Variants in PPM1E observed in about 807,000 individuals in gnomAD.
PPM1E encodes the protein protein phosphatase, Mg2+/Mn2+ dependent 1E, also known as protein phosphatase 1E.
In PPM1E, 20 loss-of-function variants were observed where a neutral mutation model predicts 65.9. The observed-to-expected ratio is 0.30, with a 90% CI of 0.21 to 0.44. The LOEUF (loss-of-function observed/expected upper bound fraction) is 0.44. Ranked by LOEUF, PPM1E falls within the 20% of genes least tolerant of loss-of-function variation. The pLI, the probability that PPM1E is intolerant of heterozygous loss-of-function variation, is 1.00. For missense variants in PPM1E, 713 were observed against 953.1 expected (o/e 0.75, Z 3.32); for synonymous variants, 352 against 374.9 (o/e 0.94, Z 0.70).
At chr17:58,765,877 CTTTTTTTT>C (rs35401844) in intron 1 of PPM1E, among the ~76,000 whole-genome samples, 4 of 122,868 alleles carry the variant, frequency 3.3e-5, no homozygotes, top group East Asian at 4.7e-4. Flanking sequence ...TTTGTAGTTT[CTTTTTTTT>C]TTTTTTTTTT....
At chr17:58,799,311 G>A (rs1191357479) in intron 1 of PPM1E, among the ~76,000 whole-genome samples, 1 of 151,368 alleles carries the variant, frequency 6.6e-6, no homozygotes, top group African/African-American at 2.4e-5. Context: ...ACAAGGTCTT[G>A]TTCTGTCACC....
chr17:58,834,953 A>G lies in PPM1E; in HGVS notation c.464+78492A>G, dbSNP rs186928169. Among the ~76,000 whole-genome samples, 15 of 152,226 alleles carry G rather than the reference A, an allele frequency of 9.9e-5. No homozygotes were observed. The East Asian group carries it at 2.7e-3, about 27-fold the overall frequency. On this transcript the variant is annotated intron_variant, in intron 1 of 6. Transcript: ENST00000308249. ...TTTTTATAGGAATTGCATTAAACCA[A>G]CTGCAGATCAATTTCGAGAGAATTG...
intron 1 of PPM1E, among the ~76,000 whole-genome samples, chr17:58,951,908 A>G (rs1255204104): frequency 1.3e-5 from 2 of 152,114 alleles, no homozygotes; most frequent in Non-Finnish European, 2.9e-5. Context: ...TGGAGGAGTC[A>G]TGTTTCCTCA....
chr17:58,863,944 G>A (rs2050971388), intron 1 of PPM1E, among the ~76,000 whole-genome samples: 2 of 151,924 alleles, frequency 1.3e-5, no homozygotes, highest in Non-Finnish European at 2.9e-5. Flanking sequence ...AGGGGGTGTG[G>A]TGGGCTAAAA....
At chr17:58,852,894 G>A (rs560438522) in intron 1 of PPM1E, among the ~76,000 whole-genome samples, 8 of 152,176 alleles carry the variant, frequency 5.3e-5, no homozygotes, top group African/African-American at 1.9e-4. Context: ...GAGCCACCAC[G>A]CCTGGTCTAC....
intron 1 of PPM1E, among the ~76,000 whole-genome samples, chr17:58,924,751 C>T (rs1199109175): frequency 2.7e-5 from 4 of 149,356 alleles, no homozygotes; most frequent in African/African-American, 5.0e-5. Context: ...CAACTGGCCC[C>T]GGTGTGTGCT....
At chr17:58,976,100 A>G (rs1598708802) in intron 6 of PPM1E, among the ~76,000 whole-genome samples, 1 of 152,120 alleles carries the variant, frequency 6.6e-6, no homozygotes, top group East Asian at 1.9e-4. Context: ...TATTGTTTCT[A>G]TTTTTAGGAC....
intron 1 of PPM1E, among the ~76,000 whole-genome samples, chr17:58,835,726 G>C (rs367769737): frequency 1.3e-5 from 2 of 151,398 alleles, no homozygotes; most frequent in East Asian, 3.9e-4. Flanking sequence ...AAAATTAGCC[G>C]TGCATGGTGG....
At chr17:58,892,037 T>C (rs1012752655) in intron 1 of PPM1E, among the ~76,000 whole-genome samples, 3 of 152,078 alleles carry the variant, frequency 2.0e-5, no homozygotes, top group African/African-American at 7.2e-5. Flanking sequence ...CATTTTGCCA[T>C]GTTGGCCAGG....
At chr17:58,816,796 T>A (rs1603163) in intron 1 of PPM1E, among the ~76,000 whole-genome samples, 831 of 15,024 alleles carry the variant, frequency 0.055, 4 homozygotes, top group Admixed American at 0.065. Flanking sequence ...ATATATATAT[T>A]TTTTTTTTTT....
intron 1 of PPM1E, among the ~76,000 whole-genome samples, chr17:58,849,373 A>G (rs1475358043): frequency 6.6e-6 from 1 of 152,032 alleles, no homozygotes; most frequent in Non-Finnish European, 1.5e-5. Flanking sequence ...TAGGGTGTCA[A>G]TTTTAGATCT....
intron 1 of PPM1E, among the ~76,000 whole-genome samples, chr17:58,767,694 G>A (rs1188331748): frequency 6.6e-6 from 1 of 152,096 alleles, no homozygotes; most frequent in African/African-American, 2.4e-5. Flanking sequence ...TCAGGCTGGA[G>A]TGCAATGGCA....
At chr17:58,798,529 T>A (rs78952173) in intron 1 of PPM1E, among the ~76,000 whole-genome samples, 1 of 150,306 alleles carries the variant, frequency 6.7e-6, no homozygotes. Flanking sequence ...GGCCCTATTT[T>A]TTTTTTTTTT....
intron 1 of PPM1E, among the ~76,000 whole-genome samples, chr17:58,828,278 A>G (rs778426539): frequency 1.3e-5 from 2 of 151,942 alleles, no homozygotes; most frequent in Non-Finnish European, 2.9e-5. Flanking sequence ...TTTAAAAGTG[A>G]ATAGTGTACT....
chr17:58,794,122 T>C (rs1156919923), intron 1 of PPM1E, among the ~76,000 whole-genome samples: 1 of 152,200 alleles, frequency 6.6e-6, no homozygotes, highest in Non-Finnish European at 1.5e-5. Context: ...TTTTGTATTT[T>C]TTAGTAGAGA....
intron 1 of PPM1E, among the ~76,000 whole-genome samples, chr17:58,909,924 C>CTTTTTTTTTTT (rs35833275): frequency 1.3e-4 from 12 of 90,036 alleles, no homozygotes; most frequent in African/African-American, 1.8e-4. Context: ...TTTTCTTTTT[C>CTTTTTTTTTTT]TTTTTTTTTT....
chr17:58,842,812 C>G (rs566326344), intron 1 of PPM1E, among the ~76,000 whole-genome samples: 110 of 152,206 alleles, frequency 7.2e-4, no homozygotes, highest in Non-Finnish European at 1.4e-3. Context: ...GTGGTGCACA[C>G]CTGTAATCCC....
intron 1 of PPM1E, among the ~76,000 whole-genome samples, chr17:58,931,088 AAAG>A (rs1567878492): frequency 2.1e-5 from 2 of 93,322 alleles, no homozygotes; most frequent in Non-Finnish European, 5.0e-5. Context: ...AAAAAAAAAG[AAAG>A]AAAGAAAGAA....
In PPM1E at chr17:58,837,332, TACAC is replaced by T. The variant is rs59797345; in HGVS notation, c.464+80896_464+80899del. Reference sequence around the variant, plus strand: ...AGAGAATGAGAATAACACACACACATACACACACACACACACACACACACACACT... The same window carrying T: ...AGAGAATGAGAATAACACACACACATACACACACACACACACACACACACT... On this transcript the variant is annotated intron_variant, in intron 1 of 6. Transcript: ENST00000308249. 8.9e-4 allele frequency among the ~76,000 whole-genome samples: 117 copies of T among 131,384 alleles called. 1 individual carries two copies. Among genetic ancestry groups the T allele is most frequent in the East Asian group, 2.5e-3 (11 of 4,346 alleles). The allele number at this position is 131,384 out of a possible 152,430, so 86.2% of individuals were successfully genotyped here.
Sources: gnomAD v4.1 joint callset for allele counts (sites outside exome capture counted in the v4.1 genomes callset) on GRCh38, gnomAD v4.1.1 for gene constraint, MANE v1.5 for transcripts, NCBI Gene and HGNC (gene_info 2026-07-23, HGNC 2026-07-21) for gene names.